Variants in KCNMA1 observed in about 807,000 individuals in gnomAD.
KCNMA1 encodes the protein Calcium-activated potassium channel subunit alpha-1.
Under a neutral mutation model 140.0 loss-of-function variants are expected in KCNMA1, and 29 were observed. The ratio of observed to expected loss-of-function variants is 0.21; its 90% CI spans 0.15 to 0.28. The LOEUF is 0.28. KCNMA1 is among the 10% of genes least tolerant of loss of function. The pLI, the probability that KCNMA1 is intolerant of heterozygous loss-of-function variation, is 1.00. For missense variants in KCNMA1, 880 were observed against 1,602.2 expected (o/e 0.55, Z 7.70); for synonymous variants, 612 against 611.9 (o/e 1.00, Z 0.00).
intron 1 of KCNMA1, among the ~76,000 whole-genome samples, chr10:77,582,940 C>A (rs758936665): frequency 2.8e-4 from 43 of 152,386 alleles, no homozygotes; most frequent in Non-Finnish European, 4.4e-4. Flanking sequence ...AGGCCACCAG[C>A]CCCATCCGCC....
chr10:77,336,005 T>C (rs2088797596), intron 2 of KCNMA1, among the ~76,000 whole-genome samples: 2 of 152,108 alleles, frequency 1.3e-5, no homozygotes, highest in Admixed American at 6.6e-5. Flanking sequence ...CTAGGTAAGA[T>C]GCAGGGACAG....
intron 5 of KCNMA1, among the ~76,000 whole-genome samples, chr10:77,123,928 G>T (rs775445188): frequency 2.0e-5 from 3 of 152,186 alleles, no homozygotes; most frequent in African/African-American, 4.8e-5. Flanking sequence ...AGTGCAGATG[G>T]CACGGATGTG....
chr10:77,434,650 G>A (rs1305726792), intron 1 of KCNMA1, among the ~76,000 whole-genome samples: 1 of 152,214 alleles, frequency 6.6e-6, no homozygotes, highest in Non-Finnish European at 1.5e-5. Flanking sequence ...CAATACGGGT[G>A]AAATAGATGA....
intron 15 of KCNMA1, among the ~76,000 whole-genome samples, chr10:77,036,709 T>C (rs149616333): frequency 6.6e-6 from 1 of 152,332 alleles, no homozygotes; most frequent in African/African-American, 2.4e-5. Flanking sequence ...TGAAAATACT[T>C]ATGTGCCAGC....
chr10:77,619,575 G>A (rs965819189), intron 1 of KCNMA1, among the ~76,000 whole-genome samples: 2 of 152,062 alleles, frequency 1.3e-5, no homozygotes, highest in Middle Eastern at 3.2e-3. Flanking sequence ...TGAACGTGAG[G>A]AGTCGTGGTT....
At chr10:76,983,932 T>C (rs773614962) in intron 19 of KCNMA1, among the ~76,000 whole-genome samples, 26 of 152,186 alleles carry the variant, frequency 1.7e-4, no homozygotes, top group Non-Finnish European at 3.1e-4. Flanking sequence ...TGTGTCTTTT[T>C]TAAAAAACGG....
chr10:77,301,302 T>A (rs1017131119), intron 2 of KCNMA1, among the ~76,000 whole-genome samples: 3 of 152,244 alleles, frequency 2.0e-5, no homozygotes, highest in Admixed American at 1.3e-4. Context: ...ACCTGGAATT[T>A]ATTTATTTTG....
At chr10:77,335,255 C>T (rs2088449409) in intron 2 of KCNMA1, among the ~76,000 whole-genome samples, 1 of 152,176 alleles carries the variant, frequency 6.6e-6, no homozygotes, top group Non-Finnish European at 1.5e-5. Flanking sequence ...TTGGGCTTAC[C>T]CACTGAGAGT....
intron 1 of KCNMA1, among the ~76,000 whole-genome samples, chr10:77,591,492 T>C (rs879660546): frequency 2.0e-5 from 3 of 152,142 alleles, no homozygotes; most frequent in Non-Finnish European, 4.4e-5. Context: ...AAGCACCACC[T>C]GGGAAGTTGC....
intron 2 of KCNMA1, among the ~76,000 whole-genome samples, chr10:77,332,175 G>A (rs1295110713): frequency 6.6e-6 from 1 of 152,154 alleles, no homozygotes; most frequent in Non-Finnish European, 1.5e-5. Flanking sequence ...GGAGGAACAT[G>A]TTTCCTGAAT....
chr10:77,241,728 A>C (rs938257829), intron 3 of KCNMA1, among the ~76,000 whole-genome samples: 8 of 152,124 alleles, frequency 5.3e-5, no homozygotes, highest in African/African-American at 1.9e-4. Context: ...CTGAAGGATC[A>C]CTTGAGCCAA....
At chr10:77,382,876 AAAAAAAAAAATAT>A (rs1270166078) in intron 2 of KCNMA1, among the ~76,000 whole-genome samples, 2 of 130,540 alleles carry the variant, frequency 1.5e-5, no homozygotes, top group African/African-American at 5.8e-5. Flanking sequence ...AAAAAAAAAA[AAAAAAAAAAATAT>A]ATATATATAT....
At chr10:77,523,972 G>C (rs1378216309) in intron 1 of KCNMA1, among the ~76,000 whole-genome samples, 1 of 152,152 alleles carries the variant, frequency 6.6e-6, no homozygotes, top group East Asian at 1.9e-4. Context: ...TAACTCAAAG[G>C]ATAAATGCTT....
chr10:77,535,606 C>T (rs1434102923), intron 1 of KCNMA1, among the ~76,000 whole-genome samples: 2 of 152,206 alleles, frequency 1.3e-5, no homozygotes, highest in Non-Finnish European at 2.9e-5. Flanking sequence ...TTTATTGCAG[C>T]ACTCTTCACA....
chr10:77,546,929 C>G (rs947398629), intron 1 of KCNMA1, among the ~76,000 whole-genome samples: 2 of 152,186 alleles, frequency 1.3e-5, no homozygotes, highest in Non-Finnish European at 2.9e-5. Flanking sequence ...AGACCCAAAG[C>G]TCAGAGAAGT....
At chr10:77,544,257 G>C (rs2060894560) in intron 1 of KCNMA1, among the ~76,000 whole-genome samples, 1 of 151,372 alleles carries the variant, frequency 6.6e-6, no homozygotes, top group African/African-American at 2.4e-5. Context: ...TGAGATTTTT[G>C]AGTAATTTTT....
chr10:77,253,966 A>C (rs1370571921), intron 2 of KCNMA1, among the ~76,000 whole-genome samples: 1 of 152,106 alleles, frequency 6.6e-6, no homozygotes, highest in African/African-American at 2.4e-5. Context: ...TCCCCATCAG[A>C]GACTTGTCTT....
At chr10:77,110,464 G>A (rs2097293981) in intron 7 of KCNMA1, 121 bp from the exon 8 acceptor site, 4 of 841,994 alleles carry the variant, frequency 4.8e-6, no homozygotes, top group Admixed American at 1.7e-5. Context: ...CTCTCCACAC[G>A]AGATGTGTGG....
chr10:77,550,397 G>A (rs1383301325), intron 1 of KCNMA1, among the ~76,000 whole-genome samples: 1 of 152,210 alleles, frequency 6.6e-6, no homozygotes, highest in East Asian at 1.9e-4. Flanking sequence ...GCCGCTGGAA[G>A]CAACTGGAAG....
Sources: gnomAD v4.1 joint callset for allele counts (sites outside exome capture counted in the v4.1 genomes callset) on GRCh38, gnomAD v4.1.1 for gene constraint, MANE v1.5 for transcripts, NCBI Gene and HGNC (gene_info 2026-07-23, HGNC 2026-07-21) for gene names.